Variants in ELMO1 observed in about 807,000 individuals in gnomAD.
ELMO1 encodes the protein engulfment and cell motility 1.
Under a neutral mutation model 98.9 loss-of-function variants are expected in ELMO1, and 26 were observed. The ratio of observed to expected loss-of-function variants is 0.26; its 90% CI spans 0.19 to 0.36. ELMO1 has a LOEUF of 0.36. Among genes scored for constraint, ELMO1 ranks in the 10% least tolerant of loss-of-function variants. The pLI, the probability that ELMO1 is intolerant of heterozygous loss-of-function variation, is 1.00. For missense variants in ELMO1, 627 were observed against 935.2 expected (o/e 0.67, Z 4.30); for synonymous variants, 346 against 346.0 (o/e 1.00, Z 0.00).
At chr7:37,037,369 T>C (rs13229499) in intron 15 of ELMO1, among the ~76,000 whole-genome samples, 1,524 of 152,236 alleles carry the variant, frequency 0.01, 11 homozygotes, top group Non-Finnish European at 0.017. Flanking sequence ...CCTCCCCAGG[T>C]CAAGCCAAAA....
At chr7:37,044,231 G>T (rs542289694) in intron 15 of ELMO1, among the ~76,000 whole-genome samples, 1 of 152,132 alleles carries the variant, frequency 6.6e-6, no homozygotes, top group Non-Finnish European at 1.5e-5. Flanking sequence ...AGTCAGCAGG[G>T]ACTATGATTG....
chr7:37,082,275 C>T (rs1298437464), intron 15 of ELMO1, among the ~76,000 whole-genome samples: 2 of 151,800 alleles, frequency 1.3e-5, no homozygotes, highest in Admixed American at 6.6e-5. Context: ...ATCAGTTGGG[C>T]AGAAAATGAT....
chr7:36,855,540 G>C lies in ELMO1; in HGVS notation c.*11C>G. On this transcript the variant is annotated 3_prime_UTR_variant, in exon 22 of 22. Transcript: ENST00000310758. The surrounding 1 kb of genome is among the most constrained non-coding windows in gnomAD (Gnocchi z 4.2). ...CCAGTTTTGGAAGGGGCATGTCTGGGCCCGGCCACTTCAGTTACAGTCATA... is the reference window on the plus strand; with the variant it reads ...CCAGTTTTGGAAGGGGCATGTCTGGCCCCGGCCACTTCAGTTACAGTCATA... 1 of 1,613,744 alleles carries C rather than the reference G, an allele frequency of 6.2e-7. No individual in the cohort carries two copies. The highest frequency in any genetic ancestry group is 8.5e-7 in the Non-Finnish European group (1 of 1,179,918).
intron 6 of ELMO1, among the ~76,000 whole-genome samples, chr7:37,245,108 C>A (rs1474388020): frequency 7.2e-6 from 1 of 139,264 alleles, no homozygotes; most frequent in Non-Finnish European, 1.5e-5. Context: ...AACATCCATC[C>A]CCTCTTTGCC....
chr7:37,292,755 C>G (rs1437196170), intron 4 of ELMO1, among the ~76,000 whole-genome samples: 1 of 104,616 alleles, frequency 9.6e-6, no homozygotes, highest in Non-Finnish European at 2.2e-5. Context: ...CAGCCCCCCG[C>G]CCGGCCAGCC....
chr7:37,209,010 T>TAA (rs112233572), intron 13 of ELMO1, among the ~76,000 whole-genome samples: 7 of 145,558 alleles, frequency 4.8e-5, no homozygotes, highest in South Asian at 2.2e-4. Flanking sequence ...AACTTTCAGT[T>TAA]AAAAAAAAAA....
chr7:37,063,370 C>A (rs540547776), intron 15 of ELMO1, among the ~76,000 whole-genome samples: 1 of 152,298 alleles, frequency 6.6e-6, no homozygotes, highest in East Asian at 1.9e-4. Flanking sequence ...TATGCTGCTA[C>A]TTATTTTCAG....
chr7:37,272,104 A>G (rs1796588910), intron 4 of ELMO1, among the ~76,000 whole-genome samples: 1 of 152,230 alleles, frequency 6.6e-6, no homozygotes, highest in South Asian at 2.1e-4. Flanking sequence ...TCCCAAGTAT[A>G]GCAAACAAAA....
chr7:36,920,645 C>T (rs1210860451), intron 16 of ELMO1, among the ~76,000 whole-genome samples: 1 of 152,122 alleles, frequency 6.6e-6, no homozygotes, highest in Non-Finnish European at 1.5e-5. Context: ...AAAAATCTGG[C>T]ATAAAACATA....
intron 16 of ELMO1, among the ~76,000 whole-genome samples, chr7:36,952,333 G>A (rs60446211): frequency 2.2e-3 from 329 of 152,320 alleles, no homozygotes; most frequent in African/African-American, 7.0e-3. Context: ...AACACAGCAC[G>A]TGGCCACGGG....
At chr7:36,921,552 T>G (rs952544509) in intron 16 of ELMO1, among the ~76,000 whole-genome samples, 1 of 152,200 alleles carries the variant, frequency 6.6e-6, no homozygotes, top group Non-Finnish European at 1.5e-5. Context: ...TACTACTCCT[T>G]TCTCACCTAG....
intron 15 of ELMO1, among the ~76,000 whole-genome samples, chr7:37,029,890 C>T (rs546523582): frequency 4.2e-4 from 64 of 152,046 alleles, no homozygotes; most frequent in Non-Finnish European, 8.1e-4. Flanking sequence ...CCTTAGTTTC[C>T]TCCTAAGTTA....
In ELMO1 at chr7:37,155,503, A is replaced by AAAAAT. The variant is rs1563040769; in HGVS notation, c.1087-22270_1087-22269insATTTT. Among the ~76,000 whole-genome samples, 528 of 131,772 alleles carry AAAAAT rather than the reference A, an allele frequency of 4.0e-3. 11 individuals are homozygous for AAAAAT. Among genetic ancestry groups the AAAAAT allele is most frequent in the Non-Finnish European group, 4.9e-3 (302 of 61,900 alleles). 86.4% of individuals were successfully genotyped at this position (131,772 alleles called of 152,430 possible). A position where few individuals can be genotyped will look rare whatever the true frequency, so the allele number is the denominator to read the frequency against. The stretch of plus-strand genomic sequence containing the variant: ...AACGGAAAGCAAAAAAAAAAAAAAA[A>AAAAAT]AAAAAGCAGGTGTTGCAATCCTGGT... On this transcript the variant is annotated intron_variant, in intron 13 of 21. Transcript: ENST00000310758.
intron 15 of ELMO1, among the ~76,000 whole-genome samples, chr7:37,096,196 G>A (rs2129256274): frequency 6.6e-6 from 1 of 152,150 alleles, no homozygotes; most frequent in South Asian, 2.1e-4. Flanking sequence ...GAAACACTGA[G>A]AGCAAGAGAA....
At chr7:36,975,395 C>T (rs987253146) in intron 16 of ELMO1, among the ~76,000 whole-genome samples, 9 of 151,980 alleles carry the variant, frequency 5.9e-5, no homozygotes, top group Admixed American at 5.2e-4. Flanking sequence ...TTGCTTGAAC[C>T]TGGGAGGCGG....
intron 5 of ELMO1, among the ~76,000 whole-genome samples, chr7:37,265,264 TG>T (rs1796178607): frequency 6.6e-6 from 1 of 152,212 alleles, no homozygotes; most frequent in South Asian, 2.1e-4. Context: ...CCCTCAGCTC[TG>T]GATCTCCTCT....
At chr7:36,938,179 ATCTT>A (rs1786714781) in intron 16 of ELMO1, among the ~76,000 whole-genome samples, 1 of 152,336 alleles carries the variant, frequency 6.6e-6, no homozygotes, top group Admixed American at 6.5e-5. Flanking sequence ...AGATTTAGGG[ATCTT>A]TGTCTCCAAA....
chr7:37,438,353 C>T (rs1465552259), intron 1 of ELMO1, among the ~76,000 whole-genome samples: 1 of 149,514 alleles, frequency 6.7e-6, no homozygotes, highest in Non-Finnish European at 1.5e-5. Context: ...TTTGGGAGGC[C>T]GAGGCAGGAG....
chr7:36,880,053 C>T (rs1402715537), intron 18 of ELMO1, among the ~76,000 whole-genome samples: 3 of 152,208 alleles, frequency 2.0e-5, no homozygotes, highest in African/African-American at 7.2e-5. Context: ...CCTCTCCCCA[C>T]GGATACTTTC....
Sources: gnomAD v4.1 joint callset for allele counts (sites outside exome capture counted in the v4.1 genomes callset) on GRCh38, gnomAD v4.1.1 for gene constraint, Gnocchi (gnomAD v3.1) non-coding constraint, MANE v1.5 for transcripts, NCBI Gene and HGNC (gene_info 2026-07-23, HGNC 2026-07-21) for gene names.